ZP3: variants seen among roughly 807,000 people sequenced by gnomAD.
ZP3 encodes zona pellucida glycoprotein 3.
Under a neutral mutation model 35.6 loss-of-function variants are expected in ZP3, and 21 were observed. The observed-to-expected ratio is 0.59, with a 90% CI of 0.42 to 0.85. The LOEUF (loss-of-function observed/expected upper bound fraction) is 0.85, where lower values mean the gene tolerates loss of function less well. Among genes scored for constraint, ZP3 ranks in the 40% least tolerant of loss-of-function variants. ZP3 has a pLI of 0.00. For missense variants in ZP3, 437 were observed against 536.5 expected, an observed-to-expected ratio of 0.81 and a Z score of 1.83; for synonymous variants, 207 against 214.5, an observed-to-expected ratio of 0.96 and a Z score of 0.31.
chr7:76,403,501 C>T lies in ZP3; in HGVS notation c.-67+5704C>T, dbSNP rs375175286. Among the ~76,000 whole-genome samples, 25 of 150,388 alleles carry T rather than the reference C, an allele frequency of 1.7e-4. No homozygotes were observed. In the East Asian group the frequency reaches 1.8e-3, roughly 11 times the overall value. On this transcript the variant is annotated intron_variant, in intron 1 of 8. Coordinates refer to the ZP3 transcript ENST00000336517. ...TACAGGCGCCCGCCACCATGCCCAG[C>T]TATTTTTTGTATTTTTAGTAGAGAC... is the stretch of plus-strand genomic sequence containing the variant.
chr7:76,438,998 A>AT (rs1412782796), intron 5 of ZP3, among the ~76,000 whole-genome samples: 1 of 117,194 alleles, frequency 8.5e-6, no homozygotes, highest in Non-Finnish European at 1.8e-5. Flanking sequence ...GCGAGGCATT[A>AT]TGGCAAGTGC....
chr7:76,426,811 C>T (rs1216407186), intron 1 of ZP3, among the ~76,000 whole-genome samples: 5 of 150,972 alleles, frequency 3.3e-5, no homozygotes, highest in African/African-American at 1.2e-4. Context: ...GGGAGGATCA[C>T]TTGGGCCCGG....
chr7:76,436,443 G>T (rs1210659937), intron 5 of ZP3, among the ~76,000 whole-genome samples: 1 of 152,234 alleles, frequency 6.6e-6, no homozygotes, highest in Non-Finnish European at 1.5e-5. Flanking sequence ...ACTCTAATAC[G>T]CAGCCAGGCT....
At chr7:76,407,378 C>T (rs961928104) in intron 1 of ZP3, among the ~76,000 whole-genome samples, 2 of 151,660 alleles carry the variant, frequency 1.3e-5, no homozygotes, top group African/African-American at 4.9e-5. Context: ...GTCGCCCAGG[C>T]TGGAGTGCAG....
Position 76,398,309 on chromosome 7 carries a change from ATTTT to A in ZP3, c.-67+527_-67+530del, listed in dbSNP as rs575917641. Among the ~76,000 whole-genome samples, 963 of 127,190 alleles carry A rather than the reference ATTTT, an allele frequency of 7.6e-3. 12 individuals are homozygous for A. Among genetic ancestry groups the A allele is most frequent in the African/African-American group, 0.024 (841 of 34,436 alleles). 83.4% of individuals were successfully genotyped at this position (127,190 alleles called of 152,430 possible). On this transcript the variant is annotated intron_variant, in intron 1 of 8. Coordinates refer to the ZP3 transcript ENST00000336517. The stretch of plus-strand genomic sequence containing the variant: ...CAGTCTCACCGCCCATTCATTTTCT[ATTTT>A]TTTTTTTTTTTTTTGAGACAGGGTC...
intron 1 of ZP3, among the ~76,000 whole-genome samples, chr7:76,425,480 C>T (rs1170433531): frequency 2.0e-5 from 3 of 151,984 alleles, no homozygotes; most frequent in East Asian, 1.9e-4. Flanking sequence ...GACATTGGGT[C>T]GATGGGGTGG....
intron 5 of ZP3, among the ~76,000 whole-genome samples, chr7:76,437,166 G>C (rs1806041102): frequency 7.2e-6 from 1 of 139,022 alleles, no homozygotes; most frequent in South Asian, 2.3e-4. Flanking sequence ...GCAAGACCCT[G>C]TGTACTTTTT....
At chr7:76,418,803 C>T (rs535199460) in intron 1 of ZP3, among the ~76,000 whole-genome samples, 3 of 151,944 alleles carry the variant, frequency 2.0e-5, no homozygotes, top group Admixed American at 6.6e-5. Flanking sequence ...TTGCAATGAG[C>T]GGAGATCGCG....
intron 1 of ZP3, among the ~76,000 whole-genome samples, chr7:76,415,364 CAA>C (rs528001072): frequency 4.7e-5 from 3 of 63,482 alleles, no homozygotes; most frequent in Non-Finnish European, 8.1e-5. Context: ...GACTCCGTCT[CAA>C]AAAAAAAAAA....
intron 1 of ZP3, chr7:76,400,566 GCTGGGGCCCCCCAC>G: frequency 6.7e-7 from 1 of 1,489,788 alleles, no homozygotes. Flanking sequence ...CCCGGCAGCG[GCTGGGGCCCCCCAC>G]CAGCCTCAGC....
At chr7:76,435,231 C>G (rs1805956919) in intron 5 of ZP3, among the ~76,000 whole-genome samples, 1 of 152,278 alleles carries the variant, frequency 6.6e-6, no homozygotes, top group Admixed American at 6.5e-5. Flanking sequence ...GTAGTCCCAG[C>G]CACTCCAGGT....
intron 5 of ZP3, chr7:76,440,048 T>C: frequency 1.4e-6 from 1 of 689,712 alleles, no homozygotes; most frequent in Non-Finnish European, 2.4e-6. Flanking sequence ...GGTTTCACCA[T>C]GTTGGCCAGG....
At chr7:76,404,794 C>T (rs1584032266) in intron 1 of ZP3, among the ~76,000 whole-genome samples, 1 of 150,694 alleles carries the variant, frequency 6.6e-6, no homozygotes, top group Admixed American at 6.6e-5. Context: ...ATTAGGCCGG[C>T]TGCGGTGGCT....
intron 1 of ZP3, chr7:76,401,093 C>T (rs572943983): frequency 4.0e-6 from 6 of 1,494,614 alleles, no homozygotes; most frequent in East Asian, 2.6e-5. Flanking sequence ...CACCATGGCT[C>T]CCTGGTCCCA....
intron 1 of ZP3, among the ~76,000 whole-genome samples, chr7:76,400,835 G>A (rs1282614004): frequency 1.3e-5 from 2 of 152,112 alleles, no homozygotes; most frequent in Non-Finnish European, 2.9e-5. Flanking sequence ...ATGAAGCCAT[G>A]GGAACCTTGG....
intron 1 of ZP3, among the ~76,000 whole-genome samples, chr7:76,427,607 C>A (rs572203825): frequency 3.3e-5 from 5 of 152,014 alleles, no homozygotes; most frequent in African/African-American, 1.2e-4. Context: ...ATGGAATGCC[C>A]TCTTGCCCTG....
At chr7:76,400,138 G>T in intron 1 of ZP3, 1 of 894,952 alleles carries the variant, frequency 1.1e-6, no homozygotes, top group Non-Finnish European at 1.5e-6. Flanking sequence ...CCCAGGCTGG[G>T]GTTCTTCCCT....
chr7:76,397,868 A>T, intron 1 of ZP3: 1 of 1,485,620 alleles, frequency 6.7e-7, no homozygotes, highest in Non-Finnish European at 9.0e-7. Context: ...CGCATCTCCC[A>T]CTGGCCTCTG....
intron 7 of ZP3, 143 bp downstream of exon 7, chr7:76,440,754 C>T (rs753842204): frequency 9.4e-6 from 13 of 1,385,760 alleles, no homozygotes; most frequent in Non-Finnish European, 1.2e-5. Flanking sequence ...TTCCCTAACA[C>T]AAATCTTGGG....
Sources: allele counts gnomAD v4.1 joint callset (sites outside exome capture counted in the v4.1 genomes callset), GRCh38; gene constraint gnomAD v4.1.1; transcripts MANE v1.5; gene names NCBI Gene and HGNC (gene_info 2026-07-23, HGNC 2026-07-21).